Variants in PDZRN4 observed in about 807,000 individuals in gnomAD.
PDZRN4 encodes PDZ domain containing ring finger 4, also known as PDZ domain-containing RING finger protein 4.
PDZRN4 carries 70 observed loss-of-function variants against 99.0 expected under a neutral mutation model. The ratio of observed to expected loss-of-function variants is 0.71; its 90% CI spans 0.58 to 0.86. PDZRN4 has a LOEUF of 0.86. PDZRN4 is among the 40% of genes least tolerant of loss of function. The pLI is 0.00. For synonymous variants in PDZRN4, 551 were observed against 501.6 expected, an observed-to-expected ratio of 1.10 and a Z score of -1.32; for missense variants, 1,474 against 1,331.2, an observed-to-expected ratio of 1.11 and a Z score of -1.67.
intron 3 of PDZRN4, among the ~76,000 whole-genome samples, chr12:41,295,249 TA>T (rs1286492164): frequency 2.6e-5 from 4 of 151,896 alleles, no homozygotes; most frequent in African/African-American, 9.7e-5. Context: ...TCATGAAAAT[TA>T]AAAAAAGGAT....
chr12:41,445,124 T>C (rs1414954435), intron 3 of PDZRN4, among the ~76,000 whole-genome samples: 1 of 152,032 alleles, frequency 6.6e-6, no homozygotes, highest in African/African-American at 2.4e-5. Context: ...TCTATTTAGA[T>C]GGAATACTGT....
chr12:41,523,440 A>G (rs1478426894), intron 5 of PDZRN4, among the ~76,000 whole-genome samples: 1 of 152,132 alleles, frequency 6.6e-6, no homozygotes, highest in East Asian at 1.9e-4. Flanking sequence ...TTACAGCCAA[A>G]CATAGTGAGC....
chr12:41,210,814 A>G (rs1950883136), intron 3 of PDZRN4, among the ~76,000 whole-genome samples: 1 of 151,970 alleles, frequency 6.6e-6, no homozygotes, highest in Non-Finnish European at 1.5e-5. Flanking sequence ...CTAGAGGTTT[A>G]AAACCCCAGA....
At chr12:41,207,297 A>T (rs1950857649) in intron 3 of PDZRN4, among the ~76,000 whole-genome samples, 1 of 151,834 alleles carries the variant, frequency 6.6e-6, no homozygotes, top group African/African-American at 2.4e-5. Flanking sequence ...AATTAACCCT[A>T]AGATAAAGTT....
chr12:41,350,062 T>G (rs540524982), intron 3 of PDZRN4, among the ~76,000 whole-genome samples: 4 of 152,210 alleles, frequency 2.6e-5, no homozygotes, highest in African/African-American at 9.6e-5. Flanking sequence ...TAATTTATAT[T>G]TTATGTAAGT....
intron 3 of PDZRN4, among the ~76,000 whole-genome samples, chr12:41,410,415 C>T (rs1473605828): frequency 1.3e-5 from 2 of 152,136 alleles, no homozygotes; most frequent in Non-Finnish European, 2.9e-5. Context: ...CATAAGTCTG[C>T]CTTTAAATAT....
At chr12:41,390,562 C>CAA (rs766893966) in intron 3 of PDZRN4, among the ~76,000 whole-genome samples, 5 of 101,364 alleles carry the variant, frequency 4.9e-5, no homozygotes, top group Non-Finnish European at 8.1e-5. Flanking sequence ...AACTCCTAAG[C>CAA]AAAAAAAAAA....
chr12:41,440,567 TA>T (rs1565583354), intron 3 of PDZRN4, among the ~76,000 whole-genome samples: 1 of 152,098 alleles, frequency 6.6e-6, no homozygotes, highest in Non-Finnish European at 1.5e-5. Context: ...ATTTTGTTGA[TA>T]TTTTTTGCTC....
In PDZRN4 at chr12:41,563,620, G is replaced by A. The variant is rs751304304; in HGVS notation, c.1438G>A (p.Val480Met). 7 of 1,613,136 alleles carry A rather than the reference G, an allele frequency of 4.3e-6. No individual in the cohort carries two copies. Among genetic ancestry groups the A allele is most frequent in the Admixed American group, 3.3e-5 (2 of 59,914 alleles). The change falls in exon 8 of 10, where the codon GTG (valine) becomes ATG (methionine). Residue 480 changes from valine to methionine, a missense_variant. By Grantham distance (21) the Val-to-Met change is conservative (BLOSUM62 1). Transcript: ENST00000402685. ...LLSNDECKRIVLLVARPEIQL... is the reference protein window; with the variant it reads ...LLSNDECKRIMLLVARPEIQL... ...GTCTAACGATGAGTGTAAGAGAATC[G>A]TGCTGCTTGTTGCAAGGCCAGAGAT... is the stretch of plus-strand genomic sequence containing the variant.
At chr12:41,328,649 G>A (rs1227064074) in intron 3 of PDZRN4, among the ~76,000 whole-genome samples, 2 of 152,140 alleles carry the variant, frequency 1.3e-5, no homozygotes, top group Non-Finnish European at 2.9e-5. Context: ...AGAAAGAGGT[G>A]TCTAAGTTCT....
At chr12:41,538,243 A>T (rs1293382648) in intron 5 of PDZRN4, among the ~76,000 whole-genome samples, 1 of 152,200 alleles carries the variant, frequency 6.6e-6, no homozygotes, top group Admixed American at 6.5e-5. Flanking sequence ...ACTAGAGCTA[A>T]CTACTATTTC....
intron 3 of PDZRN4, among the ~76,000 whole-genome samples, chr12:41,220,393 A>G (rs1045679189): frequency 2.0e-5 from 3 of 152,088 alleles, no homozygotes; most frequent in Non-Finnish European, 2.9e-5. Context: ...CTGAATCTTA[A>G]TTACCTCTTT....
intron 3 of PDZRN4, among the ~76,000 whole-genome samples, chr12:41,267,896 C>A (rs572641543): frequency 2.8e-4 from 43 of 152,108 alleles, no homozygotes; most frequent in African/African-American, 9.4e-4. Flanking sequence ...AAGAAAGTTG[C>A]TCTGTTAATC....
chr12:41,447,047 A>C (rs1476648191), intron 3 of PDZRN4, among the ~76,000 whole-genome samples: 3 of 152,094 alleles, frequency 2.0e-5, no homozygotes, highest in African/African-American at 7.2e-5. Context: ...TGATCTCCAC[A>C]CAAAAGTGAA....
chr12:41,555,375 G>A (rs1288610719), intron 6 of PDZRN4, among the ~76,000 whole-genome samples: 1 of 151,508 alleles, frequency 6.6e-6, no homozygotes, highest in African/African-American at 2.4e-5. Context: ...TGTGACAGTT[G>A]GGATACAGAA....
chr12:41,488,297 A>G (rs1313325722), intron 3 of PDZRN4, among the ~76,000 whole-genome samples: 1 of 152,176 alleles, frequency 6.6e-6, no homozygotes, highest in Non-Finnish European at 1.5e-5. Flanking sequence ...AACAGTGTTT[A>G]CGTTATTATT....
chr12:41,422,269 G>A (rs766184802), intron 3 of PDZRN4, among the ~76,000 whole-genome samples: 65 of 152,190 alleles, frequency 4.3e-4, no homozygotes, highest in Non-Finnish European at 9.0e-4. Context: ...TATTAGAAGA[G>A]AGTAGTGTGT....
intron 3 of PDZRN4, among the ~76,000 whole-genome samples, chr12:41,504,844 G>A (rs948798614): frequency 9.9e-5 from 15 of 152,014 alleles, no homozygotes; most frequent in Admixed American, 7.9e-4. Flanking sequence ...TGTTCACACT[G>A]GTAAACACCC....
chr12:41,284,198 G>A (rs1009925454), intron 3 of PDZRN4, among the ~76,000 whole-genome samples: 8 of 152,146 alleles, frequency 5.3e-5, no homozygotes, highest in Admixed American at 1.3e-4. Flanking sequence ...GAAATTACTA[G>A]CATTCCTATA....
Sources: allele counts gnomAD v4.1 joint callset (sites outside exome capture counted in the v4.1 genomes callset), GRCh38; gene constraint gnomAD v4.1.1; transcripts MANE v1.5; gene names NCBI Gene and HGNC (gene_info 2026-07-23, HGNC 2026-07-21).